STAG1: variants seen among roughly 807,000 people sequenced by gnomAD.
The protein encoded by STAG1 is cohesin subunit SA-1.
In STAG1, 26 loss-of-function variants were observed where a neutral mutation model predicts 170.9. That is an observed-to-expected ratio of 0.15 (90% CI 0.11 to 0.21). The LOEUF is 0.21. Ranked by LOEUF, STAG1 falls within the 10% of genes least tolerant of loss-of-function variation. The pLI is 1.00. For synonymous variants in STAG1, 514 were observed against 497.7 expected (o/e 1.03, Z -0.44); for missense variants, 964 against 1,509.5 (o/e 0.64, Z 5.99).
At chr3:136,697,995 T>C (rs571462788) in intron 1 of STAG1, among the ~76,000 whole-genome samples, 2 of 151,560 alleles carry the variant, frequency 1.3e-5, no homozygotes, top group African/African-American at 4.8e-5. Flanking sequence ...TATAACTATA[T>C]AGACAGAGCA....
chr3:136,377,557 A>G (rs1182510153), intron 23 of STAG1, 103 bp downstream of exon 23: 4 of 832,120 alleles, frequency 4.8e-6, no homozygotes, highest in Non-Finnish European at 7.8e-6. Flanking sequence ...AATGTTAGGA[A>G]TGAACATGTG....
At chr3:136,454,479 A>G (rs2089047686) in intron 13 of STAG1, among the ~76,000 whole-genome samples, 2 of 152,024 alleles carry the variant, frequency 1.3e-5, no homozygotes, top group South Asian at 4.1e-4. Flanking sequence ...CCTGGGCTCA[A>G]GAGATTCTCC....
intron 14 of STAG1, among the ~76,000 whole-genome samples, chr3:136,448,789 AT>A: frequency 6.6e-6 from 1 of 152,124 alleles, no homozygotes; most frequent in East Asian, 1.9e-4. Context: ...AAATAAAAAG[AT>A]TAGCCAGGCG....
At chr3:136,590,166 G>A (rs924754625) in intron 4 of STAG1, among the ~76,000 whole-genome samples, 2 of 151,340 alleles carry the variant, frequency 1.3e-5, no homozygotes, top group Non-Finnish European at 2.9e-5. Context: ...AGAAACAGAA[G>A]ACAATTCAAA....
intron 7 of STAG1, among the ~76,000 whole-genome samples, chr3:136,508,937 C>T (rs1299750601): frequency 1.3e-5 from 2 of 152,256 alleles, no homozygotes; most frequent in Non-Finnish European, 2.9e-5. Flanking sequence ...GCAAGAATAT[C>T]TCTTAGTTCT....
chr3:136,451,985 A>C, intron 14 of STAG1, 48 bp downstream of exon 14: 1 of 1,208,198 alleles, frequency 8.3e-7, no homozygotes, highest in African/African-American at 1.6e-5. Context: ...GACATTTAAA[A>C]TGTAATATAA....
intron 1 of STAG1, among the ~76,000 whole-genome samples, chr3:136,693,319 T>C (rs559440932): frequency 6.6e-6 from 1 of 152,176 alleles, no homozygotes; most frequent in African/African-American, 2.4e-5. Flanking sequence ...ACCAATATGG[T>C]TGCTCCTGTG....
At chr3:136,577,335 T>G (rs953157447) in intron 4 of STAG1, among the ~76,000 whole-genome samples, 3 of 152,212 alleles carry the variant, frequency 2.0e-5, no homozygotes, top group Non-Finnish European at 2.9e-5. Flanking sequence ...CAATAAAATC[T>G]AATTGTATCA....
At position 136,495,722 on chromosome 3, in the gene STAG1, A is replaced by T. The variant is rs138525108; in HGVS notation, c.902+4501T>A. On this transcript the variant is annotated intron_variant, in intron 9 of 33. Coordinates refer to ENST00000383202, the MANE Select transcript of STAG1 (RefSeq NM_005862.3). ...GGTGGCTCATACCTATAATTCCAGC[A>T]TGTTGGGAGGCTGAGGCAGGTGGCT... Among the ~76,000 whole-genome samples the T allele has an allele frequency of 8.2e-4, 125 of 152,134 alleles. 1 individual carries two copies. In the South Asian group the frequency reaches 0.013, roughly 16 times the overall value.
intron 22 of STAG1, among the ~76,000 whole-genome samples, chr3:136,386,744 C>T (rs1039120965): frequency 5.9e-5 from 9 of 152,042 alleles, no homozygotes; most frequent in African/African-American, 2.2e-4. Flanking sequence ...ACCATGTTGC[C>T]CAGGCTTTGT....
rs1020666801 is a variant in STAG1 at position 136,697,994 on chromosome 3, A to G, written c.-84+54201T>C. ...CTTATGAAATACACATTATAACTAT[A>G]TAGACAGAGCAAGATTACGTCTTGG... On this transcript the variant is annotated intron_variant, in intron 1 of 33. Coordinates refer to ENST00000383202, the MANE Select transcript of STAG1 (RefSeq NM_005862.3). Among the ~76,000 whole-genome samples, 6 of 152,256 alleles carry G rather than the reference A, an allele frequency of 3.9e-5. No individual in the cohort carries two copies. In the East Asian group the frequency reaches 9.7e-4, roughly 24 times the overall value.
At chr3:136,600,924 T>C (rs2107804126) in intron 4 of STAG1, among the ~76,000 whole-genome samples, 1 of 152,120 alleles carries the variant, frequency 6.6e-6, no homozygotes, top group South Asian at 2.1e-4. Context: ...GAAGTCTTCC[T>C]CTGTCGCCAA....
At chr3:136,708,635 A>G (rs2107916077) in intron 1 of STAG1, among the ~76,000 whole-genome samples, 1 of 152,290 alleles carries the variant, frequency 6.6e-6, no homozygotes, top group East Asian at 1.9e-4. Flanking sequence ...ATCTCAATAA[A>G]AAAAGACTCA....
intron 4 of STAG1, among the ~76,000 whole-genome samples, chr3:136,572,820 A>G (rs1235869051): frequency 6.6e-6 from 1 of 152,162 alleles, no homozygotes; most frequent in Non-Finnish European, 1.5e-5. Context: ...ATTCATCCAG[A>G]AGTAAACAAA....
At chr3:136,538,654 G>C (rs542797314) in intron 6 of STAG1, among the ~76,000 whole-genome samples, 4 of 151,814 alleles carry the variant, frequency 2.6e-5, no homozygotes, top group Admixed American at 2.6e-4. Flanking sequence ...TTCTGACCTC[G>C]GGTGACCCAC....
chr3:136,684,028 A>C (rs1576760672), intron 1 of STAG1, among the ~76,000 whole-genome samples: 1 of 152,212 alleles, frequency 6.6e-6, no homozygotes, highest in African/African-American at 2.4e-5. Flanking sequence ...AAAGAAATTA[A>C]AGAACTAAGT....
At chr3:136,478,686 C>A (rs968122555) in intron 9 of STAG1, among the ~76,000 whole-genome samples, 1 of 152,184 alleles carries the variant, frequency 6.6e-6, no homozygotes, top group Admixed American at 6.5e-5. Flanking sequence ...TCTCTCTAGG[C>A]TCCTGTCATT....
Position 136,526,448 on chromosome 3 carries a change from G to T in STAG1, c.472-5031C>A, listed in dbSNP as rs1342314150. ...CCTTTTTTTGTTTTCCATTTGCTTG[G>T]TAGATCTTCCTCCATCCCTTTATTT... On this transcript the variant is annotated intron_variant, in intron 6 of 33. Transcript: ENST00000383202. 7.9e-5 allele frequency among the ~76,000 whole-genome samples: 12 copies of T among 152,110 alleles called. No individual in the cohort carries two copies. In the East Asian group the frequency reaches 2.3e-3, roughly 29 times the overall value.
chr3:136,453,715 G>A (rs529343057), intron 13 of STAG1, among the ~76,000 whole-genome samples: 2 of 151,150 alleles, frequency 1.3e-5, no homozygotes, highest in Admixed American at 6.6e-5. Context: ...GTGAATAAAC[G>A]GTAGATAAGT....
Sources: gnomAD v4.1 joint callset for allele counts (sites outside exome capture counted in the v4.1 genomes callset) on GRCh38, gnomAD v4.1.1 for gene constraint, MANE v1.5 for transcripts, NCBI Gene and HGNC (gene_info 2026-07-23, HGNC 2026-07-21) for gene names.